XRCC4: variants seen among roughly 807,000 people sequenced by gnomAD.
The protein encoded by XRCC4 is DNA repair protein XRCC4.
A neutral mutation model predicts 39.1 loss-of-function variants in XRCC4; 28 were observed. That is an observed-to-expected ratio of 0.72 (90% confidence interval 0.53 to 0.98). The LOEUF (loss-of-function observed/expected upper bound fraction) is 0.98. XRCC4 is among the 50% of genes least tolerant of loss of function. The probability of loss-of-function intolerance (pLI) is 0.00; values close to 1 mark genes in which losing one functional copy is unlikely to be tolerated. For synonymous variants in XRCC4, 123 were observed against 126.4 expected (o/e 0.97, Z 0.18); for missense variants, 350 against 376.4 (o/e 0.93, Z 0.58).
intron 3 of XRCC4, among the ~76,000 whole-genome samples, chr5:83,115,367 C>T (rs1461313532): frequency 1.3e-5 from 2 of 152,108 alleles, no homozygotes; most frequent in African/African-American, 2.4e-5. Flanking sequence ...GCAGAGGTTG[C>T]GGTAAGCCAA....
At chr5:83,188,600 G>A (rs1487556347) in intron 3 of XRCC4, among the ~76,000 whole-genome samples, 2 of 152,028 alleles carry the variant, frequency 1.3e-5, no homozygotes, top group Admixed American at 1.3e-4. Flanking sequence ...CCTGCTGAGG[G>A]CCTCAGGAAG....
chr5:83,240,863 T>C (rs1752879728), intron 6 of XRCC4, among the ~76,000 whole-genome samples: 1 of 152,200 alleles, frequency 6.6e-6, no homozygotes, highest in Non-Finnish European at 1.5e-5. Context: ...TTCACAAGTA[T>C]GTAAAAACCA....
rs1281625117 is a variant in XRCC4, at chr5:83,077,633, G to A, written c.-11+18G>A. The A allele has an allele frequency of 8.0e-6, 3 of 373,722 alleles. No homozygotes were observed. The highest frequency in any genetic ancestry group is 5.3e-5 in the South Asian group (1 of 18,948). The allele number at this position is 373,722 out of a possible 1,614,324, so 23.2% of individuals were successfully genotyped here. On this transcript the variant is annotated intron_variant, in intron 1 of 7. Coordinates refer to ENST00000396027, the MANE Select transcript of XRCC4 (RefSeq NM_003401.5). The stretch of plus-strand genomic sequence containing the variant: ...ACGGAGAGGTAGGATCCGGAAGTGG[G>A]GCTGCCTCTTTAAATAACAAAAATC...
intron 7 of XRCC4, among the ~76,000 whole-genome samples, chr5:83,312,026 C>A (rs572732566): frequency 6.6e-6 from 1 of 152,204 alleles, no homozygotes; most frequent in East Asian, 1.9e-4. Context: ...GGTAAAGGGG[C>A]CTGGGAACAT....
At chr5:83,321,681 T>C (rs1756080865) in intron 7 of XRCC4, among the ~76,000 whole-genome samples, 1 of 152,112 alleles carries the variant, frequency 6.6e-6, no homozygotes, top group South Asian at 2.1e-4. Flanking sequence ...GTGCATTAGA[T>C]CCATCTACCT....
At chr5:83,292,195 C>T (rs1754944582) in intron 7 of XRCC4, among the ~76,000 whole-genome samples, 1 of 151,806 alleles carries the variant, frequency 6.6e-6, no homozygotes, top group Non-Finnish European at 1.5e-5. Flanking sequence ...TTTTGGGAAA[C>T]TTCACAGGCT....
intron 3 of XRCC4, among the ~76,000 whole-genome samples, chr5:83,142,725 C>T (rs1748245566): frequency 6.6e-6 from 1 of 152,034 alleles, no homozygotes; most frequent in African/African-American, 2.4e-5. Flanking sequence ...CTGATTACAT[C>T]AGCAAAAGGA....
At chr5:83,087,911 T>A (rs2112302962) in intron 1 of XRCC4, among the ~76,000 whole-genome samples, 1 of 152,310 alleles carries the variant, frequency 6.6e-6, no homozygotes, top group Non-Finnish European at 1.5e-5. Context: ...TCTTGTACCT[T>A]GGCCAAAGTG....
chr5:83,158,106 C>T (rs560903275), intron 3 of XRCC4, among the ~76,000 whole-genome samples: 4 of 152,106 alleles, frequency 2.6e-5, no homozygotes, highest in East Asian at 3.9e-4. Context: ...GATTTTATCT[C>T]TTGAAAATAA....
intron 1 of XRCC4, among the ~76,000 whole-genome samples, chr5:83,082,459 G>A (rs1040040046): frequency 6.6e-6 from 1 of 152,088 alleles, no homozygotes; most frequent in Non-Finnish European, 1.5e-5. Flanking sequence ...ATTGGGTGAG[G>A]GGTATATGAG....
intron 3 of XRCC4, among the ~76,000 whole-genome samples, chr5:83,194,597 A>G (rs1299050865): frequency 1.3e-5 from 2 of 152,230 alleles, no homozygotes; most frequent in African/African-American, 4.8e-5. Context: ...TTTTGGAAAT[A>G]TTCTTATCAG....
chr5:83,355,414 G>C (rs931725207), downstream of XRCC4, among the ~76,000 whole-genome samples: 1 of 152,098 alleles, frequency 6.6e-6, no homozygotes, highest in Admixed American at 6.6e-5. Flanking sequence ...CCAGTACTAA[G>C]AGCAAGGTTC....
rs1750181789 is a variant in XRCC4 at position 83,181,062 on chromosome 5, T to TTG, written c.316-14707_316-14706insGT. ...TTGTACTTTAAACTTTCTTTTTTTT[T>TTG]TTTTGCGAATTCTATTTATCGCGAA... On this transcript the variant is annotated intron_variant, in intron 3 of 7. Coordinates refer to ENST00000396027, the MANE Select transcript of XRCC4 (RefSeq NM_003401.5). 7.9e-5 allele frequency among the ~76,000 whole-genome samples: 12 copies of TTG among 151,706 alleles called. No homozygotes were observed. In the South Asian group the frequency reaches 2.5e-3, roughly 31 times the overall value.
chr5:83,120,433 T>C (rs1419560230), intron 3 of XRCC4, among the ~76,000 whole-genome samples: 3 of 152,220 alleles, frequency 2.0e-5, no homozygotes, highest in Non-Finnish European at 4.4e-5. Context: ...CTACCTGTTT[T>C]CTTCTCCCAA....
chr5:83,365,648 T>C, the XRCC4 span, among the ~76,000 whole-genome samples: 1 of 152,140 alleles, frequency 6.6e-6, no homozygotes, highest in Admixed American at 6.6e-5. Flanking sequence ...ATACACAAGT[T>C]AGAGAAATGT....
chr5:83,329,054 C>G (rs1756355473), intron 7 of XRCC4, among the ~76,000 whole-genome samples: 2 of 152,072 alleles, frequency 1.3e-5, no homozygotes, highest in Admixed American at 1.3e-4. Flanking sequence ...GGACTGCAGA[C>G]ATGTGCCACT....
intron 7 of XRCC4, among the ~76,000 whole-genome samples, chr5:83,350,313 T>C (rs889824879): frequency 9.9e-5 from 15 of 152,208 alleles, no homozygotes; most frequent in African/African-American, 3.6e-4. Context: ...ATGATAGTTA[T>C]GTTTTAAGTC....
chr5:83,288,131 C>T (rs1187740185), intron 7 of XRCC4, among the ~76,000 whole-genome samples: 2 of 151,816 alleles, frequency 1.3e-5, no homozygotes, highest in East Asian at 3.9e-4. Flanking sequence ...GGCTTAAGAA[C>T]ACACTTTTTA....
chr5:83,191,897 C>T (rs1212705539), intron 3 of XRCC4, among the ~76,000 whole-genome samples: 1 of 152,088 alleles, frequency 6.6e-6, no homozygotes, highest in Non-Finnish European at 1.5e-5. Flanking sequence ...TGAAGACCAA[C>T]TAATACATAG....
Sources: gnomAD v4.1 joint callset for allele counts (sites outside exome capture counted in the v4.1 genomes callset) on GRCh38, gnomAD v4.1.1 for gene constraint, MANE v1.5 for transcripts, NCBI Gene and HGNC (gene_info 2026-07-23, HGNC 2026-07-21) for gene names.